The following BNC2 variants were observed in gnomAD, a reference collection of about 807,000 sequenced individuals.
BNC2 encodes the protein zinc finger protein basonuclin-2.
Under a neutral mutation model 76.3 loss-of-function variants are expected in BNC2, and 20 were observed. The observed-to-expected ratio is 0.26, with a 90% CI of 0.18 to 0.38. The LOEUF is 0.38. Ranked by LOEUF, BNC2 falls within the 10% of genes least tolerant of loss-of-function variation. The probability of loss-of-function intolerance (pLI) is 1.00; values close to 1 mark genes in which losing one functional copy is unlikely to be tolerated. For missense variants in BNC2, 1,382 were observed against 1,399.8 expected (o/e 0.99, Z 0.20); for synonymous variants, 582 against 514.8 (o/e 1.13, Z -1.77).
intron 2 of BNC2, among the ~76,000 whole-genome samples, chr9:16,734,188 T>G (rs951235821): frequency 2.6e-5 from 4 of 152,214 alleles, no homozygotes; most frequent in African/African-American, 7.2e-5. Context: ...GATTAACATG[T>G]TGATGCATGC....
At chr9:16,682,829 C>T (rs1822865259) in intron 3 of BNC2, among the ~76,000 whole-genome samples, 1 of 152,142 alleles carries the variant, frequency 6.6e-6, no homozygotes, top group South Asian at 2.1e-4. Flanking sequence ...CTAAATGTAA[C>T]AACTTAATAC....
intron 5 of BNC2, among the ~76,000 whole-genome samples, chr9:16,446,441 C>G (rs1242043210): frequency 2.0e-5 from 3 of 151,806 alleles, no homozygotes; most frequent in Admixed American, 2.0e-4. Flanking sequence ...GATATATTTC[C>G]CAGTATACAA....
intron 5 of BNC2, among the ~76,000 whole-genome samples, chr9:16,473,603 G>C (rs141336318): frequency 6.6e-6 from 1 of 152,098 alleles, no homozygotes; most frequent in Non-Finnish European, 1.5e-5. Context: ...GACCGGGCGT[G>C]GTGGCTCATG....
intron 6 of BNC2, among the ~76,000 whole-genome samples, chr9:16,429,026 C>G (rs1230171636): frequency 6.6e-6 from 1 of 152,200 alleles, no homozygotes; most frequent in Non-Finnish European, 1.5e-5. Flanking sequence ...ATCAAAGTTA[C>G]CAAATCCCTC....
intron 3 of BNC2, among the ~76,000 whole-genome samples, chr9:16,675,319 A>G (rs957448382): frequency 6.6e-6 from 1 of 151,770 alleles, no homozygotes; most frequent in South Asian, 2.1e-4. Flanking sequence ...TCGTAATGTG[A>G]TATCGACTCA....
intron 1 of BNC2, among the ~76,000 whole-genome samples, chr9:16,739,137 G>C (rs536081107): frequency 2.0e-5 from 3 of 152,090 alleles, no homozygotes; most frequent in South Asian, 2.1e-4. Context: ...GATGTACATA[G>C]AAGAACCATC....
intron 4 of BNC2, among the ~76,000 whole-genome samples, chr9:16,566,203 C>G (rs1233912942): frequency 6.6e-6 from 1 of 152,118 alleles, no homozygotes; most frequent in Non-Finnish European, 1.5e-5. Flanking sequence ...ATCTCAAGAC[C>G]TTGATTTTGA....
chr9:16,717,841 G>T (rs1399449552), intron 3 of BNC2, among the ~76,000 whole-genome samples: 1 of 152,128 alleles, frequency 6.6e-6, no homozygotes, highest in Non-Finnish European at 1.5e-5. Flanking sequence ...AAAAGTACAG[G>T]ACTGCTGGCA....
intron 5 of BNC2, among the ~76,000 whole-genome samples, chr9:16,547,494 T>C (rs1587155134): frequency 6.6e-6 from 1 of 152,358 alleles, no homozygotes; most frequent in East Asian, 1.9e-4. Flanking sequence ...ATTTGTGTTG[T>C]TCCCTAGTGA....
chr9:16,831,469 G>A (rs542592878), intron 1 of BNC2, among the ~76,000 whole-genome samples: 2 of 152,300 alleles, frequency 1.3e-5, no homozygotes, highest in Admixed American at 1.3e-4. Context: ...AGAACTTGCA[G>A]CTAACTTTTA....
intron 3 of BNC2, among the ~76,000 whole-genome samples, chr9:16,700,753 A>C (rs1823485876): frequency 6.6e-6 from 1 of 152,136 alleles, no homozygotes; most frequent in South Asian, 2.1e-4. Context: ...TGAAGTCCAG[A>C]GTTCGAAACC....
intron 3 of BNC2, among the ~76,000 whole-genome samples, chr9:16,682,643 G>A (rs959052382): frequency 2.0e-5 from 3 of 152,112 alleles, no homozygotes; most frequent in Non-Finnish European, 2.9e-5. Flanking sequence ...GATCCTCCAC[G>A]CATTCACATA....
intron 3 of BNC2, among the ~76,000 whole-genome samples, chr9:16,679,129 C>T (rs114209734): frequency 6.6e-6 from 1 of 152,056 alleles, no homozygotes; most frequent in Non-Finnish European, 1.5e-5. Context: ...CTATAGAAAG[C>T]TACACTGTGC....
At chr9:16,458,428 T>G (rs563925308) in intron 5 of BNC2, among the ~76,000 whole-genome samples, 1 of 152,340 alleles carries the variant, frequency 6.6e-6, no homozygotes, top group African/African-American at 2.4e-5. Context: ...AACAAATATC[T>G]TGGTTTTGAT....
intron 5 of BNC2, among the ~76,000 whole-genome samples, chr9:16,529,011 CCTCTCTCCTAGCTTCCGGAGG>C (rs1038762573): frequency 2.6e-5 from 4 of 152,284 alleles, no homozygotes; most frequent in African/African-American, 7.2e-5. Flanking sequence ...CTGTTGCATG[CCTCTCTCCTAGCTTCCGGAGG>C]CTCTGCCGCC....
intron 1 of BNC2, among the ~76,000 whole-genome samples, chr9:16,756,990 CA>C (rs66931262): frequency 2.4e-4 from 32 of 133,568 alleles, no homozygotes; most frequent in African/African-American, 6.6e-4. Context: ...GACTCTGTCT[CA>C]AAAAAAAAAA....
intron 1 of BNC2, among the ~76,000 whole-genome samples, chr9:16,853,684 T>C (rs1819184215): frequency 6.6e-6 from 1 of 152,064 alleles, no homozygotes; most frequent in Non-Finnish European, 1.5e-5. Flanking sequence ...CTGGCCAACA[T>C]GGTGAAACCC....
chr9:16,822,386 C>T (rs1296743967), intron 1 of BNC2, among the ~76,000 whole-genome samples: 5 of 152,072 alleles, frequency 3.3e-5, no homozygotes, highest in East Asian at 3.9e-4. Context: ...GACTTGCCCA[C>T]GGTCAGAGAT....
rs140025840 is a variant in BNC2, at chr9:16,532,603, C to T, written c.669+19927G>A. The stretch of plus-strand genomic sequence containing the variant: ...TTTGGGAGTTGGTGGTTCAAACAGA[C>T]GACATTAAAAATTAAATTTTAGAAA... On this transcript the variant is annotated intron_variant, in intron 5 of 6. Coordinates refer to ENST00000380672, the MANE Select transcript of BNC2 (RefSeq NM_017637.6). Among the ~76,000 whole-genome samples the T allele has an allele frequency of 6.5e-3, 986 of 151,624 alleles. 14 individuals carry two copies. The highest frequency in any genetic ancestry group is 0.022 in the African/African-American group (923 of 41,312).
Sources: gnomAD v4.1 joint callset for allele counts (sites outside exome capture counted in the v4.1 genomes callset) on GRCh38, gnomAD v4.1.1 for gene constraint, MANE v1.5 for transcripts, NCBI Gene and HGNC (gene_info 2026-07-23, HGNC 2026-07-21) for gene names.